The following HOMER2 variants were observed in gnomAD, a reference collection of about 807,000 sequenced individuals.
HOMER2 encodes the protein homer protein homolog 2.
In HOMER2, 27 loss-of-function variants were observed where a neutral mutation model predicts 47.0. The observed-to-expected ratio is 0.57, with a 90% CI of 0.42 to 0.79. The LOEUF is 0.79. Among genes scored for constraint, HOMER2 ranks in the 30% least tolerant of loss-of-function variants. The pLI is 0.00. For synonymous variants in HOMER2, 161 were observed against 163.8 expected (o/e 0.98, Z 0.13); for missense variants, 443 against 435.0 (o/e 1.02, Z -0.16).
intron 2 of HOMER2, among the ~76,000 whole-genome samples, chr15:82,879,708 G>A (rs1009070434): frequency 3.9e-5 from 6 of 152,206 alleles, no homozygotes; most frequent in African/African-American, 1.4e-4. Flanking sequence ...GGTGGTGGTT[G>A]CTGAAGGGTG....
At chr15:82,869,496 T>C (rs1277500158) in intron 3 of HOMER2, among the ~76,000 whole-genome samples, 1 of 138,660 alleles carries the variant, frequency 7.2e-6, no homozygotes, top group Non-Finnish European at 1.5e-5. Flanking sequence ...TCTCACTCTG[T>C]TACCCAGGCT....
At chr15:82,983,455 A>T (rs1567082254) in intron 1 of HOMER2, among the ~76,000 whole-genome samples, 1 of 152,154 alleles carries the variant, frequency 6.6e-6, no homozygotes, top group Admixed American at 6.5e-5. Context: ...ATATTTCACC[A>T]GTGTTTCAAA....
At chr15:82,976,373 T>C (rs184143852) in intron 1 of HOMER2, among the ~76,000 whole-genome samples, 2 of 151,838 alleles carry the variant, frequency 1.3e-5, no homozygotes, top group East Asian at 2.0e-4. Context: ...TCTCAGCTCA[T>C]TGCAACCTCC....
chr15:82,890,709 G>A (rs748745443), intron 2 of HOMER2, among the ~76,000 whole-genome samples: 32 of 152,172 alleles, frequency 2.1e-4, no homozygotes, highest in Non-Finnish European at 3.8e-4. Flanking sequence ...TAAGAAAGTC[G>A]TTTTATCTAT....
chr15:82,878,863 A>ACCAATCCATCTGCCTCAG (rs1284443395), intron 2 of HOMER2, among the ~76,000 whole-genome samples: 1 of 152,184 alleles, frequency 6.6e-6, no homozygotes, highest in Non-Finnish European at 1.5e-5. Flanking sequence ...CCTGGGCTCA[A>ACCAATCCATCTGCCTCAG]CCAATCCATC....
At chr15:82,845,556 T>G (rs1693287910), downstream of HOMER2, 1 of 152,210 alleles carries the variant, frequency 6.6e-6, no homozygotes, top group Non-Finnish European at 1.5e-5. Flanking sequence ...ACATGGACAT[T>G]GATCTTGCAA....
At chr15:82,857,448 T>TTG (rs2051624825) in intron 5 of HOMER2, among the ~76,000 whole-genome samples, 1 of 63,426 alleles carries the variant, frequency 1.6e-5, no homozygotes, top group African/African-American at 7.3e-5. Context: ...TTTTTTTTTT[T>TTG]GAGACAGAGT....
downstream of HOMER2, among the ~76,000 whole-genome samples, chr15:82,848,612 C>G (rs942614301): frequency 1.7e-4 from 26 of 152,320 alleles, no homozygotes; most frequent in Admixed American, 9.8e-4. Flanking sequence ...GCTGCTCTCT[C>G]CCCCCGAAAT....
At chr15:82,847,455 C>G (rs1454997393), downstream of HOMER2, among the ~76,000 whole-genome samples, 1 of 152,216 alleles carries the variant, frequency 6.6e-6, no homozygotes, top group Admixed American at 6.5e-5. Context: ...CCAAGTTCCT[C>G]ACCTGCTGCC....
At chr15:82,902,295 TCAAGTG>T (rs1326938388) in intron 1 of HOMER2, among the ~76,000 whole-genome samples, 1 of 151,130 alleles carries the variant, frequency 6.6e-6, no homozygotes, top group Non-Finnish European at 1.5e-5. Flanking sequence ...CCTCCCAGGT[TCAAGTG>T]ATTCTCCTGC....
At chr15:82,894,024 C>A (rs1282895188) in intron 1 of HOMER2, among the ~76,000 whole-genome samples, 1 of 151,508 alleles carries the variant, frequency 6.6e-6, no homozygotes, top group African/African-American at 2.4e-5. Flanking sequence ...ACCAAACCTT[C>A]AAATTTGATG....
chr15:82,904,139 C>CA (rs1479709570), intron 1 of HOMER2, among the ~76,000 whole-genome samples: 7 of 151,798 alleles, frequency 4.6e-5, no homozygotes, highest in Non-Finnish European at 1.0e-4. Flanking sequence ...TGGCTCAAAA[C>CA]AAAAAAACAA....
chr15:82,877,593 G>T (rs1483582263), intron 2 of HOMER2, among the ~76,000 whole-genome samples: 4 of 152,194 alleles, frequency 2.6e-5, no homozygotes, highest in African/African-American at 9.7e-5. Context: ...TCCATATCAT[G>T]TTGCTTCTCA....
chr15:82,848,791 G>T (rs961945022), downstream of HOMER2, among the ~76,000 whole-genome samples: 1 of 152,166 alleles, frequency 6.6e-6, no homozygotes, highest in Non-Finnish European at 1.5e-5. Context: ...GGGCTCCAGG[G>T]GCCTGAGACC....
intron 1 of HOMER2, among the ~76,000 whole-genome samples, chr15:82,971,092 G>A (rs2029970508): frequency 6.6e-6 from 1 of 152,186 alleles, no homozygotes; most frequent in Non-Finnish European, 1.5e-5. Flanking sequence ...ATTCCTCATT[G>A]TAAATTAATA....
chr15:82,920,817 T>G (rs1161618982), intron 1 of HOMER2, among the ~76,000 whole-genome samples: 1 of 152,180 alleles, frequency 6.6e-6, no homozygotes, highest in Non-Finnish European at 1.5e-5. Flanking sequence ...GAGACATTTT[T>G]TAGCCTACCA....
rs779562123 is a variant in HOMER2 at position 82,852,206 on chromosome 15, T to G, written c.698A>C (p.Glu233Ala). ...EQCSEINREK[E>A]KNTQLKRRIE... The stretch of plus-strand genomic sequence containing the variant: ...CCTCCTCTTCAGCTGCGTGTTCTTC[T>G]CCTTCTCTCTGTTGATCTCACTGCA... Residue 233 changes from glutamate to alanine, a missense_variant, in exon 7 of 9, where the codon GAG becomes GCG. Transcript: ENST00000450735. 2 of 1,614,008 alleles carry G rather than the reference T, an allele frequency of 1.2e-6. No homozygotes were observed. The highest frequency in any genetic ancestry group is 2.2e-5 in the South Asian group (2 of 91,084).
chr15:82,850,163 C>G (rs994695125), intron 8 of HOMER2, among the ~76,000 whole-genome samples: 1 of 152,246 alleles, frequency 6.6e-6, no homozygotes, highest in African/African-American at 2.4e-5. Flanking sequence ...AACCCAAGAC[C>G]CAACAAAGCA....
At chr15:82,876,106 C>A (rs543711416) in intron 2 of HOMER2, among the ~76,000 whole-genome samples, 20 of 152,170 alleles carry the variant, frequency 1.3e-4, no homozygotes, top group Non-Finnish European at 2.6e-4. Context: ...ACAGTCAGCA[C>A]ATGGCAACCT....
Sources: gnomAD v4.1 joint callset for allele counts (sites outside exome capture counted in the v4.1 genomes callset) on GRCh38, gnomAD v4.1.1 for gene constraint, MANE v1.5 for transcripts, NCBI Gene and HGNC (gene_info 2026-07-23, HGNC 2026-07-21) for gene names.